Variants in COL21A1 observed in about 807,000 individuals in gnomAD.
The protein encoded by COL21A1 is collagen type XXI alpha 1 chain, also known as collagen alpha-1(XXI) chain.
COL21A1 carries 149 observed loss-of-function variants against 137.9 expected under a neutral mutation model. That is an observed-to-expected ratio of 1.08 (90% CI 0.95 to 1.24). The LOEUF is 1.24. Among genes scored for constraint, COL21A1 ranks in the 50% most tolerant of loss-of-function variants. The pLI is 0.00. For missense variants in COL21A1, 1,167 were observed against 1,158.4 expected (o/e 1.01, Z -0.11); for synonymous variants, 456 against 391.5 (o/e 1.16, Z -1.95).
intron 1 of COL21A1, among the ~76,000 whole-genome samples, chr6:56,337,328 T>TA (rs1218349764): frequency 1.3e-5 from 2 of 152,236 alleles, no homozygotes; most frequent in African/African-American, 4.8e-5. Context: ...CTTCCAGCTA[T>TA]AGTCCTACTC....
At chr6:56,379,877 A>C (rs1452725827) in intron 1 of COL21A1, among the ~76,000 whole-genome samples, 1 of 152,138 alleles carries the variant, frequency 6.6e-6, no homozygotes, top group Non-Finnish European at 1.5e-5. Flanking sequence ...TTAATGTGAT[A>C]ATTTTTCTTA....
intron 1 of COL21A1, among the ~76,000 whole-genome samples, chr6:56,320,835 C>T (rs554912284): frequency 9.4e-4 from 143 of 152,198 alleles, no homozygotes; most frequent in African/African-American, 3.1e-3. Flanking sequence ...TTTTCCAAAG[C>T]AATTACATCT....
chr6:56,393,840 GC>G (rs1200308642), intron 1 of COL21A1: 3 of 152,234 alleles, frequency 2.0e-5, no homozygotes, highest in African/African-American at 7.2e-5. Context: ...ACAGGAGTAG[GC>G]CTGAACCCTA....
chr6:56,352,562 G>T (rs1765734294), intron 1 of COL21A1, among the ~76,000 whole-genome samples: 1 of 151,938 alleles, frequency 6.6e-6, no homozygotes, highest in Non-Finnish European at 1.5e-5. Flanking sequence ...AAAAAATGCA[G>T]TTGAAGAAGG....
intron 16 of COL21A1, 99 bp downstream of exon 16, chr6:56,123,963 A>C: frequency 3.0e-6 from 3 of 998,218 alleles, no homozygotes; most frequent in Non-Finnish European, 4.3e-6. Flanking sequence ...TCCCAATGCC[A>C]CATGTTAAAA....
At chr6:56,309,241 A>G (rs1204251749) in intron 1 of COL21A1, among the ~76,000 whole-genome samples, 1 of 152,066 alleles carries the variant, frequency 6.6e-6, no homozygotes, top group Non-Finnish European at 1.5e-5. Flanking sequence ...GGGTTTCACC[A>G]TGTTGGCTAG....
At chr6:56,310,869 C>T (rs551197157) in intron 1 of COL21A1, among the ~76,000 whole-genome samples, 2 of 151,868 alleles carry the variant, frequency 1.3e-5, no homozygotes, top group Admixed American at 6.6e-5. Flanking sequence ...TTAATAGATA[C>T]ATTGATAGAT....
intron 1 of COL21A1, among the ~76,000 whole-genome samples, chr6:56,311,484 G>A (rs1026178293): frequency 1.3e-5 from 2 of 152,158 alleles, no homozygotes; most frequent in African/African-American, 4.8e-5. Context: ...ATTTTTATGA[G>A]GGGGTTGCAC....
chr6:56,141,210 G>A (rs1312442031), intron 12 of COL21A1, among the ~76,000 whole-genome samples: 1 of 152,010 alleles, frequency 6.6e-6, no homozygotes, highest in African/African-American at 2.4e-5. Context: ...ATGGATGAAT[G>A]GATAAAGAAA....
At chr6:56,116,321 A>G (rs1421991344) in intron 16 of COL21A1, among the ~76,000 whole-genome samples, 1 of 147,442 alleles carries the variant, frequency 6.8e-6, no homozygotes, top group African/African-American at 2.5e-5. Context: ...TATGTCTGGT[A>G]GCAGACTTTT....
chr6:56,159,350 T>TG (rs67448919), intron 9 of COL21A1, among the ~76,000 whole-genome samples: 1 of 150,518 alleles, frequency 6.6e-6, no homozygotes, highest in Non-Finnish European at 1.5e-5. Context: ...TTTTTTTTTT[T>TG]GAGACGGAGT....
At chr6:56,249,189 C>G (rs914313054), upstream of COL21A1, among the ~76,000 whole-genome samples, 4 of 152,110 alleles carry the variant, frequency 2.6e-5, no homozygotes, top group African/African-American at 7.2e-5. Flanking sequence ...CTTTATACCA[C>G]TAGGATGGCT....
At chr6:56,239,485 A>T (rs1289602383) in intron 1 of COL21A1, among the ~76,000 whole-genome samples, 1 of 152,210 alleles carries the variant, frequency 6.6e-6, no homozygotes, top group Non-Finnish European at 1.5e-5. Context: ...TTTGGGAAAC[A>T]TGTAATTTAG....
chr6:56,332,887 T>C (rs1765261295), intron 1 of COL21A1, among the ~76,000 whole-genome samples: 1 of 152,126 alleles, frequency 6.6e-6, no homozygotes, highest in Admixed American at 6.6e-5. Flanking sequence ...AACTACTTTG[T>C]AAAAACTCTT....
chr6:56,292,656 C>A (rs1764077039), intron 1 of COL21A1, among the ~76,000 whole-genome samples: 1 of 152,100 alleles, frequency 6.6e-6, no homozygotes, highest in South Asian at 2.1e-4. Flanking sequence ...ATGGACACAG[C>A]TGAAGAAATA....
intron 3 of COL21A1, among the ~76,000 whole-genome samples, chr6:56,172,060 C>T (rs995876502): frequency 1.3e-4 from 14 of 105,082 alleles, no homozygotes; most frequent in Admixed American, 1.8e-4. Flanking sequence ...ATGCATTTTG[C>T]GAGTTCCAGA....
At position 56,212,508 on chromosome 6, in the gene COL21A1, G is replaced by A. The variant is rs193137255; in HGVS notation, c.-38-29852C>T. Among the ~76,000 whole-genome samples the A allele has an allele frequency of 2.1e-3, 327 of 152,108 alleles. 6 individuals are homozygous for A. The highest frequency in any genetic ancestry group is 9.0e-4 in the Non-Finnish European group (61 of 67,952). The stretch of plus-strand genomic sequence containing the variant: ...CTAATGATGTATTGATAAGGACTTA[G>A]CATTTAAGAATGATTATAATTATCT... On this transcript the variant is annotated intron_variant, in intron 1 of 29. Transcript: ENST00000244728.
At chr6:56,305,259 T>C (rs6459146) in intron 1 of COL21A1, among the ~76,000 whole-genome samples, 128,243 of 152,022 alleles carry the variant, frequency 0.84, 56,071 homozygotes, top group South Asian at 0.97. Context: ...CTGCTTGGTG[T>C]AGAGCTGAGT....
chr6:56,276,642 G>A (rs1763663359), intron 1 of COL21A1: 12 of 1,441,820 alleles, frequency 8.3e-6, no homozygotes, highest in Non-Finnish European at 1.2e-5. Context: ...TCAATTTCTG[G>A]AAAACACGTG....
Sources: allele counts gnomAD v4.1 joint callset (sites outside exome capture counted in the v4.1 genomes callset), GRCh38; gene constraint gnomAD v4.1.1; transcripts MANE v1.5; gene names NCBI Gene and HGNC (gene_info 2026-07-23, HGNC 2026-07-21).